The following MSH3 variants were observed in gnomAD, a reference collection of about 807,000 sequenced individuals.
The protein encoded by MSH3 is mutS homolog 3.
In MSH3, 106 loss-of-function variants were observed where a neutral mutation model predicts 123.3. The observed-to-expected ratio is 0.86, with a 90% CI of 0.73 to 1.01. The LOEUF is 1.01. Among genes scored for constraint, MSH3 ranks in the 50% least tolerant of loss-of-function variants. The pLI, the probability that MSH3 is intolerant of heterozygous loss-of-function variation, is 0.00. For synonymous variants in MSH3, 515 were observed against 481.4 expected (o/e 1.07, Z -0.91); for missense variants, 1,459 against 1,347.6 (o/e 1.08, Z -1.29).
intron 20 of MSH3, among the ~76,000 whole-genome samples, chr5:80,850,495 C>T (rs1202786490): frequency 6.6e-6 from 1 of 152,194 alleles, no homozygotes; most frequent in Non-Finnish European, 1.5e-5. Flanking sequence ...GGAGGCCTCA[C>T]AATCATGGCA....
chr5:80,805,890 A>G (rs193221060), intron 19 of MSH3, among the ~76,000 whole-genome samples: 298 of 152,102 alleles, frequency 2.0e-3, no homozygotes, highest in Middle Eastern at 6.8e-3. Context: ...CCCGGCCCCA[A>G]TATGATGCCT....
intron 15 of MSH3, among the ~76,000 whole-genome samples, chr5:80,771,369 C>T (rs1356063897): frequency 6.6e-6 from 1 of 151,636 alleles, no homozygotes; most frequent in Admixed American, 6.6e-5. Flanking sequence ...CTCCCTGCTA[C>T]TCGGGAGACT....
At chr5:80,658,643 G>T (rs940331181) in intron 2 of MSH3, among the ~76,000 whole-genome samples, 1 of 152,122 alleles carries the variant, frequency 6.6e-6, no homozygotes, top group Admixed American at 6.5e-5. Flanking sequence ...ATCCAGGCTG[G>T]AGTGTAGTGG....
intron 19 of MSH3, among the ~76,000 whole-genome samples, chr5:80,796,688 T>A (rs921906767): frequency 7.9e-5 from 12 of 152,228 alleles, no homozygotes; most frequent in African/African-American, 2.9e-4. Context: ...TATTCTGTAT[T>A]ACATGAACTT....
At chr5:80,754,246 T>G (rs1399923333) in intron 12 of MSH3, among the ~76,000 whole-genome samples, 1 of 152,128 alleles carries the variant, frequency 6.6e-6, no homozygotes, top group Non-Finnish European at 1.5e-5. Flanking sequence ...TCATGTATAC[T>G]TCCAGAAACC....
intron 8 of MSH3, among the ~76,000 whole-genome samples, chr5:80,721,175 T>G (rs928890744): frequency 6.6e-6 from 1 of 152,258 alleles, no homozygotes; most frequent in African/African-American, 2.4e-5. Context: ...GAGGTTCATT[T>G]TGCTGCATAT....
intron 1 of MSH3, 56 bp from the exon 2 acceptor site, chr5:80,656,355 C>G: frequency 1.2e-6 from 2 of 1,608,882 alleles, no homozygotes. Context: ...GCTTCACATA[C>G]GTCAGGCCTT....
At chr5:80,739,196 G>A (rs139355932) in intron 10 of MSH3, among the ~76,000 whole-genome samples, 6 of 152,190 alleles carry the variant, frequency 3.9e-5, no homozygotes, top group African/African-American at 1.2e-4. Context: ...TCAGAACAGC[G>A]GAAGTAAGGA....
chr5:80,667,041 G>A (rs1431818448), intron 3 of MSH3, among the ~76,000 whole-genome samples: 1 of 151,932 alleles, frequency 6.6e-6, no homozygotes, highest in East Asian at 1.9e-4. Context: ...CATGACACAA[G>A]TTTTCCTATA....
At chr5:80,781,703 G>A (rs1744413236) in intron 17 of MSH3, among the ~76,000 whole-genome samples, 1 of 152,032 alleles carries the variant, frequency 6.6e-6, no homozygotes, top group Non-Finnish European at 1.5e-5. Context: ...CCTGGGCTAT[G>A]TCCAACCTGT....
At chr5:80,867,894 T>G (rs1746132993) in intron 22 of MSH3, among the ~76,000 whole-genome samples, 1 of 152,200 alleles carries the variant, frequency 6.6e-6, no homozygotes, top group Non-Finnish European at 1.5e-5. Context: ...TGTTCATAGT[T>G]TCTTTTGCTG....
At chr5:80,863,843 G>A (rs990177591) in intron 21 of MSH3, among the ~76,000 whole-genome samples, 2 of 152,120 alleles carry the variant, frequency 1.3e-5, no homozygotes, top group Admixed American at 1.3e-4. Flanking sequence ...GTGGGACCAA[G>A]TTTTATTGTG....
At position 80,693,551 on chromosome 5, in the gene MSH3, G is replaced by A. The variant is rs528597501; in HGVS notation, c.1340+14458G>A. ...TGTTTATATAAATATATATGCACAT[G>A]TATGTGTTTATATAAATATATATGC... On this transcript the variant is annotated intron_variant, in intron 8 of 23. Transcript: ENST00000265081. Among the ~76,000 whole-genome samples the A allele has an allele frequency of 1.0e-3, 155 of 147,806 alleles. 2 individuals carry two copies. Among genetic ancestry groups the A allele is most frequent in the Non-Finnish European group, 2.0e-3 (135 of 67,478 alleles).
At chr5:80,692,402 AGATAGATAAACATG>A (rs1216462378) in intron 8 of MSH3, among the ~76,000 whole-genome samples, 2 of 35,490 alleles carry the variant, frequency 5.6e-5, no homozygotes, top group East Asian at 1.2e-3. Flanking sequence ...GTATATGTTT[AGATAGATAAACATG>A]TATATGTTTA....
At chr5:80,667,358 A>G (rs1211156895) in intron 3 of MSH3, among the ~76,000 whole-genome samples, 2 of 152,244 alleles carry the variant, frequency 1.3e-5, no homozygotes, top group African/African-American at 4.8e-5. Context: ...ACTCATCAAA[A>G]TTAAAAGCAA....
At chr5:80,705,947 T>C (rs190034484) in intron 8 of MSH3, among the ~76,000 whole-genome samples, 15 of 152,340 alleles carry the variant, frequency 9.8e-5, no homozygotes, top group Non-Finnish European at 1.6e-4. Context: ...TTGAATGTTA[T>C]AGGGACATAA....
intron 3 of MSH3, among the ~76,000 whole-genome samples, chr5:80,667,510 G>T (rs1461718914): frequency 6.6e-6 from 1 of 152,174 alleles, no homozygotes; most frequent in Non-Finnish European, 1.5e-5. Context: ...GGCCTGGCAG[G>T]CTGTGCTTGG....
rs1744285692 is a variant in MSH3, at chr5:80,775,707, TAAAG to T, written c.2270_2273del (p.Lys757ThrfsTer12). The T allele has an allele frequency of 6.4e-7, 1 of 1,562,928 alleles. No homozygotes were observed. The highest frequency in any genetic ancestry group is 8.8e-7 in the Non-Finnish European group (1 of 1,133,938). The stretch of plus-strand genomic sequence containing the variant: ...TATTTGTTTTAGTTTATGATAGAAA[TAAAG>T]AACTCTGCTGTATCTTGTATACCAA... On this transcript the variant is annotated frameshift_variant, in exon 16 of 24. Coordinates refer to ENST00000265081, the MANE Select transcript of MSH3 (RefSeq NM_002439.5). LOFTEE classifies it high-confidence loss of function.
intron 18 of MSH3, 63 bp from the exon 19 acceptor site, chr5:80,792,670 T>TA (rs751349906): frequency 1.4e-3 from 1,357 of 1,000,922 alleles, no homozygotes; most frequent in Non-Finnish European, 1.8e-3. Context: ...CATGCTATCT[T>TA]AGAGTTTTTT....
Sources: gnomAD v4.1 joint callset for allele counts (sites outside exome capture counted in the v4.1 genomes callset) on GRCh38, gnomAD v4.1.1 for gene constraint, MANE v1.5 for transcripts, NCBI Gene and HGNC (gene_info 2026-07-23, HGNC 2026-07-21) for gene names.